PDE4D: variants seen among roughly 807,000 people sequenced by gnomAD.
The protein encoded by PDE4D is phosphodiesterase 4D.
A neutral mutation model predicts 87.4 loss-of-function variants in PDE4D; 24 were observed. That is an observed-to-expected ratio of 0.27 (90% CI 0.20 to 0.39). The LOEUF is 0.39. Ranked by LOEUF, PDE4D falls within the 10% of genes least tolerant of loss-of-function variation. The pLI is 1.00. For synonymous variants in PDE4D, 384 were observed against 383.2 expected (o/e 1.00, Z -0.02); for missense variants, 714 against 1,041.0 (o/e 0.69, Z 4.32).
At chr5:60,414,878 T>A (rs1342632070) in intron 1 of PDE4D, among the ~76,000 whole-genome samples, 1 of 151,854 alleles carries the variant, frequency 6.6e-6, no homozygotes, top group African/African-American at 2.4e-5. Flanking sequence ...CCCGGACAAA[T>A]TCAAAGTGCC....
chr5:60,164,445 C>T (rs1782717892), intron 2 of PDE4D, among the ~76,000 whole-genome samples: 1 of 152,072 alleles, frequency 6.6e-6, no homozygotes, highest in Non-Finnish European at 1.5e-5. Context: ...TCCTTTTCTC[C>T]TTCCATTCTA....
chr5:59,716,410 C>T (rs1321242280), intron 1 of PDE4D, among the ~76,000 whole-genome samples: 2 of 152,198 alleles, frequency 1.3e-5, no homozygotes, highest in Non-Finnish European at 2.9e-5. Flanking sequence ...TCCCCTTGGA[C>T]CTCAGTTAGA....
intron 1 of PDE4D, among the ~76,000 whole-genome samples, chr5:59,656,571 CA>C (rs1744396117): frequency 6.6e-6 from 1 of 152,164 alleles, no homozygotes; most frequent in East Asian, 1.9e-4. Flanking sequence ...GTCCCTATCT[CA>C]AATCTAAACC....
intron 1 of PDE4D, among the ~76,000 whole-genome samples, chr5:60,368,190 T>C (rs563609597): frequency 1.3e-5 from 2 of 152,340 alleles, no homozygotes; most frequent in South Asian, 2.1e-4. Flanking sequence ...GGAAAAGTCG[T>C]ACCCTCCTCC....
At chr5:59,945,295 A>G (rs1283308756) in intron 3 of PDE4D, among the ~76,000 whole-genome samples, 2 of 152,238 alleles carry the variant, frequency 1.3e-5, no homozygotes, top group Non-Finnish European at 2.9e-5. Flanking sequence ...GTTGACTAAA[A>G]CATTAAAAGA....
At chr5:60,303,698 G>A (rs1043776713) in intron 1 of PDE4D, among the ~76,000 whole-genome samples, 2 of 152,200 alleles carry the variant, frequency 1.3e-5, no homozygotes, top group Non-Finnish European at 2.9e-5. Flanking sequence ...CATTTGCGAG[G>A]CGTGTTTTAC....
intron 1 of PDE4D, among the ~76,000 whole-genome samples, chr5:59,800,501 C>A (rs988065725): frequency 6.6e-6 from 1 of 152,092 alleles, no homozygotes. Context: ...CTGTTTATAG[C>A]ACCAGTGTAG....
intron 1 of PDE4D, among the ~76,000 whole-genome samples, chr5:59,713,823 T>C (rs142610634): frequency 3.3e-5 from 5 of 152,044 alleles, no homozygotes; most frequent in Non-Finnish European, 7.4e-5. Context: ...TGGATGGGCA[T>C]TTTTTCTGTG....
intron 5 of PDE4D, among the ~76,000 whole-genome samples, chr5:59,156,771 T>G (rs984566581): frequency 6.6e-6 from 1 of 152,104 alleles, no homozygotes; most frequent in African/African-American, 2.4e-5. Flanking sequence ...TTTTGGTATA[T>G]ACAGCGAAAT....
chr5:59,027,113 C>T (rs767661982), intron 6 of PDE4D, among the ~76,000 whole-genome samples: 39 of 152,062 alleles, frequency 2.6e-4, no homozygotes, highest in Non-Finnish European at 4.4e-4. Context: ...TTTTGATAAC[C>T]TTGACAGTTT....
chr5:59,294,053 A>C (rs1357247913), intron 1 of PDE4D, among the ~76,000 whole-genome samples: 6 of 152,228 alleles, frequency 3.9e-5, no homozygotes, highest in African/African-American at 1.4e-4. Context: ...GAAGCAGAAT[A>C]AATGACTACA....
chr5:60,238,872 A>G (rs1194500192), intron 1 of PDE4D, among the ~76,000 whole-genome samples: 1 of 151,884 alleles, frequency 6.6e-6, no homozygotes, highest in Non-Finnish European at 1.5e-5. Flanking sequence ...ATTTTTCTTT[A>G]TAGTTTGTCT....
At chr5:59,606,893 C>G (rs1179864241) in intron 1 of PDE4D, among the ~76,000 whole-genome samples, 1 of 151,916 alleles carries the variant, frequency 6.6e-6, no homozygotes, top group Non-Finnish European at 1.5e-5. Flanking sequence ...GTTTATTTTC[C>G]CCATATTCAT....
At chr5:60,137,631 TG>T (rs1780167857) in intron 2 of PDE4D, among the ~76,000 whole-genome samples, 1 of 152,140 alleles carries the variant, frequency 6.6e-6, no homozygotes, top group Non-Finnish European at 1.5e-5. Flanking sequence ...CACTTTTTAA[TG>T]GGGTTGTATT....
At chr5:59,726,682 A>G (rs1397077261) in intron 1 of PDE4D, among the ~76,000 whole-genome samples, 3 of 152,132 alleles carry the variant, frequency 2.0e-5, no homozygotes, top group Admixed American at 1.3e-4. Context: ...TCATGTGCCA[A>G]CGTAATATCG....
intron 2 of PDE4D, among the ~76,000 whole-genome samples, chr5:59,195,086 A>C (rs188323619): frequency 5.8e-4 from 89 of 152,300 alleles, no homozygotes; most frequent in African/African-American, 1.9e-3. Context: ...GATGCATCCC[A>C]AATATCCTAA....
At chr5:60,497,227 A>G (rs952540238) in intron 1 of PDE4D, among the ~76,000 whole-genome samples, 3 of 152,148 alleles carry the variant, frequency 2.0e-5, no homozygotes, top group Non-Finnish European at 1.5e-5. Context: ...CATCCATTTC[A>G]TCAAACTCAC....
chr5:59,866,704 G>A (rs1747088072), intron 1 of PDE4D, among the ~76,000 whole-genome samples: 1 of 152,062 alleles, frequency 6.6e-6, no homozygotes, highest in Non-Finnish European at 1.5e-5. Context: ...CAAAGCTCTG[G>A]TATCAGTAAT....
At chr5:59,447,084 C>T (rs56085550) in intron 1 of PDE4D, among the ~76,000 whole-genome samples, 3,344 of 152,270 alleles carry the variant, frequency 0.022, 131 homozygotes, top group African/African-American at 0.076. Flanking sequence ...CAGTTTACTA[C>T]CCCAATCCTC....
Sources: allele counts gnomAD v4.1 joint callset (sites outside exome capture counted in the v4.1 genomes callset), GRCh38; gene constraint gnomAD v4.1.1; transcripts MANE v1.5; gene names NCBI Gene and HGNC (gene_info 2026-07-23, HGNC 2026-07-21).